Variants in LRP2 observed in about 807,000 individuals in gnomAD.
The protein encoded by LRP2 is low-density lipoprotein receptor-related protein 2.
A neutral mutation model predicts 531.0 loss-of-function variants in LRP2; 172 were observed. The ratio of observed to expected loss-of-function variants is 0.32; its 90% confidence interval spans 0.29 to 0.37. The LOEUF (loss-of-function observed/expected upper bound fraction) is 0.37, where lower values mean the gene tolerates loss of function less well. LRP2 is among the 10% of genes least tolerant of loss of function. The pLI, the probability that LRP2 is intolerant of heterozygous loss-of-function variation, is 1.00. For synonymous variants in LRP2, 1,992 were observed against 2,027.6 expected (o/e 0.98, Z 0.47); for missense variants, 5,167 against 5,868.3 (o/e 0.88, Z 3.90).
intron 1 of LRP2, among the ~76,000 whole-genome samples, chr2:169,333,349 C>T (rs1685315024): frequency 1.3e-5 from 2 of 151,994 alleles, no homozygotes; most frequent in Non-Finnish European, 2.9e-5. Flanking sequence ...GGGCCTGTTA[C>T]AGGACCTCCT....
At chr2:169,217,617 C>A (rs949371518) in intron 34 of LRP2, among the ~76,000 whole-genome samples, 1 of 151,996 alleles carries the variant, frequency 6.6e-6, no homozygotes, top group African/African-American at 2.4e-5. Context: ...TTTCAGGGTA[C>A]CAAGAGTTTC....
chr2:169,214,808 A>G (rs79447209), intron 35 of LRP2, among the ~76,000 whole-genome samples: 67 of 152,314 alleles, frequency 4.4e-4, no homozygotes, highest in Admixed American at 1.1e-3. Flanking sequence ...TGTCTCCAAC[A>G]TGAAAGCAGG....
At chr2:169,236,162 T>C in intron 28 of LRP2, 94 bp from the exon 29 acceptor site, 1 of 912,796 alleles carries the variant, frequency 1.1e-6, no homozygotes, top group Non-Finnish European at 1.8e-6. Flanking sequence ...GTTTATGCCC[T>C]GCTTAAAATA....
In LRP2 at chr2:169,244,850, G is replaced by A; in HGVS notation, c.3273C>T (p.Asp1091=). The change falls in exon 22 of 79, where the codon GAC becomes GAT. Residue 1091 remains aspartate, a synonymous_variant. Transcript: ENST00000649046. ...PAHWRCDKRN[D]CVDGSDEHNC... The stretch of plus-strand genomic sequence containing the variant: ...TGTGCTCATCACTGCCATCCACACA[G>A]TCGTTGCGTTTGTCACAGCGCCAGT... 1 of 1,614,272 alleles carries A rather than the reference G, an allele frequency of 6.2e-7. No homozygotes were observed.
In LRP2 at chr2:169,270,870, TAC is replaced by T. The variant is rs145964808; in HGVS notation, c.2320+32_2320+33del. The T allele has an allele frequency of 0.06, 69,045 of 1,157,686 alleles. 244 individuals carry two copies. The highest frequency in any genetic ancestry group is 0.085 in the African/African-American group (5,484 of 64,790). 71.7% of individuals were successfully genotyped at this position (1,157,686 alleles called of 1,614,324 possible). A position where few individuals can be genotyped will look rare whatever the true frequency, so the allele number is the denominator to read the frequency against. ...TTACAATAAACAGGCAAAACACGCA[TAC>T]ACACACACACACACACACAAACCTT... On this transcript the variant is annotated intron_variant, in intron 16 of 78. Coordinates refer to ENST00000649046, the MANE Select transcript of LRP2 (RefSeq NM_004525.3).
At chr2:169,319,743 G>T (rs551900807) in intron 2 of LRP2, among the ~76,000 whole-genome samples, 1 of 152,334 alleles carries the variant, frequency 6.6e-6, no homozygotes, top group Non-Finnish European at 1.5e-5. Context: ...TCATCAGGAA[G>T]TTTATAGAAA....
chr2:169,274,478 T>C (rs1269433072), intron 14 of LRP2, among the ~76,000 whole-genome samples: 4 of 152,128 alleles, frequency 2.6e-5, no homozygotes, highest in Admixed American at 2.6e-4. Flanking sequence ...AAGCAGTGTC[T>C]GAATCAAAAT....
chr2:169,337,445 A>C (rs887762018), intron 1 of LRP2, among the ~76,000 whole-genome samples: 10 of 152,134 alleles, frequency 6.6e-5, no homozygotes, highest in African/African-American at 2.4e-4. Flanking sequence ...TTTTCCATAA[A>C]AGCACAGGCC....
At chr2:169,184,754 T>G (rs1275640977) in intron 50 of LRP2, among the ~76,000 whole-genome samples, 3 of 122,332 alleles carry the variant, frequency 2.5e-5, no homozygotes, top group African/African-American at 3.2e-5. Context: ...TGGTTGTTTT[T>G]TTTGTTTTGT....
intron 70 of LRP2, among the ~76,000 whole-genome samples, chr2:169,143,420 A>G (rs923900910): frequency 3.9e-5 from 6 of 152,184 alleles, no homozygotes; most frequent in Non-Finnish European, 4.4e-5. Flanking sequence ...CTTTGGGCGG[A>G]TCACGAGGTC....
At chr2:169,327,777 G>A (rs1157391033) in intron 1 of LRP2, among the ~76,000 whole-genome samples, 26 of 116,246 alleles carry the variant, frequency 2.2e-4, no homozygotes, top group South Asian at 9.1e-4. Flanking sequence ...CCCCCCGCCC[G>A]GCCAGCCGCC....
chr2:169,322,553 C>A (rs1168850114), intron 1 of LRP2, among the ~76,000 whole-genome samples: 1 of 152,162 alleles, frequency 6.6e-6, no homozygotes, highest in Non-Finnish European at 1.5e-5. Context: ...AAGGAATGTA[C>A]AAATTCACTC....
At chr2:169,344,523 TG>T (rs1386816534) in intron 1 of LRP2, among the ~76,000 whole-genome samples, 1 of 152,242 alleles carries the variant, frequency 6.6e-6, no homozygotes, top group Non-Finnish European at 1.5e-5. Context: ...GTATTTTTAA[TG>T]CAATCAAGCT....
At chr2:169,220,644 A>T (rs531416791) in intron 33 of LRP2, 81 bp from the exon 34 acceptor site, 1 of 913,192 alleles carries the variant, frequency 1.1e-6, no homozygotes, top group Non-Finnish European at 1.8e-6. Context: ...ACTTATGTAC[A>T]AAACAAATTC....
intron 37 of LRP2, among the ~76,000 whole-genome samples, chr2:169,211,601 C>T (rs1688594808): frequency 1.3e-5 from 2 of 152,168 alleles, no homozygotes; most frequent in South Asian, 4.1e-4. Context: ...CTCTGTAGTA[C>T]TTCTTGCAAA....
At chr2:169,160,578 T>C (rs1301872529) in intron 63 of LRP2, among the ~76,000 whole-genome samples, 2 of 151,576 alleles carry the variant, frequency 1.3e-5, no homozygotes, top group African/African-American at 4.9e-5. Context: ...TGCCTCAAAT[T>C]ATTAGTCCAG....
At chr2:169,177,677 T>A in intron 53 of LRP2, 126 bp downstream of exon 53, 1 of 847,486 alleles carries the variant, frequency 1.2e-6, no homozygotes, top group Non-Finnish European at 2.1e-6. Context: ...TTTCAGCATA[T>A]GCTTTGAAGA....
intron 1 of LRP2, among the ~76,000 whole-genome samples, chr2:169,351,236 T>C (rs76322992): frequency 6.6e-6 from 1 of 152,184 alleles, no homozygotes; most frequent in East Asian, 1.9e-4. Flanking sequence ...ACCAAAAAAA[T>C]ATCTATCAAG....
intron 9 of LRP2, among the ~76,000 whole-genome samples, chr2:169,284,037 C>A (rs1683775377): frequency 6.6e-6 from 1 of 151,958 alleles, no homozygotes; most frequent in Non-Finnish European, 1.5e-5. Flanking sequence ...AATAGAGTTC[C>A]CACACCCTCT....
Sources: gnomAD v4.1 joint callset for allele counts (sites outside exome capture counted in the v4.1 genomes callset) on GRCh38, gnomAD v4.1.1 for gene constraint, MANE v1.5 for transcripts, NCBI Gene and HGNC (gene_info 2026-07-23, HGNC 2026-07-21) for gene names.